The following IKBKB variants were observed in gnomAD, a reference collection of about 807,000 sequenced individuals.
The protein encoded by IKBKB is inhibitor of nuclear factor kappa B kinase subunit beta.
In IKBKB, 42 loss-of-function variants were observed where a neutral mutation model predicts 113.6. The ratio of observed to expected loss-of-function variants is 0.37; its 90% CI spans 0.29 to 0.48. The LOEUF is 0.48. Ranked by LOEUF, IKBKB falls within the 20% of genes least tolerant of loss-of-function variation. The pLI, the probability that IKBKB is intolerant of heterozygous loss-of-function variation, is 0.99. For synonymous variants in IKBKB, 296 were observed against 361.3 expected (o/e 0.82, Z 2.05); for missense variants, 673 against 939.7 (o/e 0.72, Z 3.71).
At chr8:42,313,043 G>C (rs1818020221) in intron 8 of IKBKB, among the ~76,000 whole-genome samples, 1 of 152,128 alleles carries the variant, frequency 6.6e-6, no homozygotes, top group Non-Finnish European at 1.5e-5. Context: ...TGCCACATGG[G>C]CCTGTCACGG....
rs777275618 is a variant in IKBKB, at chr8:42,314,396, C to T, written c.767C>T (p.Ser256Leu). 6.2e-7 allele frequency: 1 copy of T among 1,612,484 alleles called. No individual in the cohort carries two copies. Among genetic ancestry groups the T allele is most frequent in the Admixed American group, 1.7e-5 (1 of 60,016 alleles). ...GACTTGAATGGAACGGTGAAGTTTTCAAGCTCTTTACCCTACCCCAATAAT... is the reference window on the plus strand; with the variant it reads ...GACTTGAATGGAACGGTGAAGTTTTTAAGCTCTTTACCCTACCCCAATAAT... Reference protein sequence around the residue: ...SEDLNGTVKFSSSLPYPNNLN... With the variant: ...SEDLNGTVKFLSSLPYPNNLN... Residue 256 changes from serine (S) to leucine (L), a missense_variant, in exon 9 of 22, where the codon TCA (serine) becomes TTA (leucine). Coordinates refer to ENST00000520810, the MANE Select transcript of IKBKB (RefSeq NM_001556.3).
rs1819605609 is a variant in IKBKB, at chr8:42,320,722, G to C, written c.1579-13G>C. On this transcript the variant is annotated splice_polypyrimidine_tract_variant and intron_variant, in intron 15 of 21. Transcript: ENST00000520810. ...TACCACATCAGTTGACATTAGCACA[G>C]CTTTTCCATTAGGAGAACGAAGTGA... 1 of 1,606,886 alleles carries C rather than the reference G, an allele frequency of 6.2e-7. No homozygotes were observed.
At chr8:42,288,531 T>C (rs1811898865) in intron 2 of IKBKB, 103 bp from the exon 3 acceptor site, 1 of 758,564 alleles carries the variant, frequency 1.3e-6, no homozygotes, top group Admixed American at 2.3e-5. Context: ...CAGGAGGTGA[T>C]TGCAGGTAAC....
Position 42,316,674 on chromosome 8 carries a change from A to T in IKBKB, c.931-36A>T. The T allele has an allele frequency of 6.3e-7, 1 of 1,580,588 alleles. No homozygotes were observed. The highest frequency in any genetic ancestry group is 8.6e-7 in the Non-Finnish European group (1 of 1,159,062). ...AAATAGATGGGCATTTCCTTGAAGA[A>T]ATCGGTTTTCCAGTAACATCTGGGT... On this transcript the variant is annotated intron_variant, in intron 10 of 21. Transcript: ENST00000520810. The surrounding 1 kb of genome is among the most constrained non-coding windows in gnomAD (Gnocchi z 4.5).
intron 12 of IKBKB, 75 bp from the exon 13 acceptor site, chr8:42,318,477 G>A (rs950808804): frequency 2.7e-5 from 42 of 1,537,714 alleles, no homozygotes; most frequent in African/African-American, 6.9e-5. Context: ...CAGTAGTGTC[G>A]AAGGCAGGAT....
Position 42,305,204 on chromosome 8 carries a change from C to G in IKBKB, c.406C>G (p.Leu136Val), listed in dbSNP as rs1816265590. 6.2e-7 allele frequency: 1 copy of G among 1,613,886 alleles called. No individual in the cohort carries two copies. Among genetic ancestry groups the G allele is most frequent in the Non-Finnish European group, 8.5e-7 (1 of 1,179,768 alleles). ...LSDIASALRY[L>V]HENRIIHRDL... is the part of the protein sequence containing the mutation. ...TTCCTCAGCCTCTGCGCTTAGATAC[C>G]TTCATGAAAACAGAATCATCCATCG... Residue 136 changes from leucine to valine, a missense_variant, in exon 6 of 22, where the codon CTT (leucine) becomes GTT (valine). Leu to Val is a conservative substitution (Grantham distance 32, BLOSUM62 1). This residue lies in a region of IKBKB where 167 missense variants were observed against 301.0 expected (regional missense o/e 0.55). Coordinates refer to ENST00000520810, the MANE Select transcript of IKBKB (RefSeq NM_001556.3).
rs556370011 is a variant in IKBKB, at chr8:42,299,926, CTG to C, written c.389-5258_389-5257del. On this transcript the variant is annotated intron_variant, in intron 5 of 21. Transcript: ENST00000520810. ...GCCATTACTGCTCTGTGATTTCTGTCTGTGCCTTGGCAGTGAGGGCTGACTTC... is the reference window on the plus strand; with the variant it reads ...GCCATTACTGCTCTGTGATTTCTGTCTGCCTTGGCAGTGAGGGCTGACTTC... Among the ~76,000 whole-genome samples, 22 of 152,314 alleles carry C rather than the reference CTG, an allele frequency of 1.4e-4. 1 individual carries two copies. The South Asian group carries it at 4.6e-3, about 32-fold the overall frequency.
chr8:42,278,781 G>C (rs1809720647), intron 2 of IKBKB, among the ~76,000 whole-genome samples: 1 of 152,144 alleles, frequency 6.6e-6, no homozygotes, highest in Non-Finnish European at 1.5e-5. Context: ...GATCACCTGA[G>C]GTTGGGAGTT....
rs1808421860 is a variant in IKBKB, at chr8:42,274,159, TA to T, written c.105+1955del. ...GATTCTCCTGCCTCAGCCTCCTGAGTACCTGGAATTACAGGTGTGCACCACC... is the reference window on the plus strand; with the variant it reads ...GATTCTCCTGCCTCAGCCTCCTGAGTCCTGGAATTACAGGTGTGCACCACC... On this transcript the variant is annotated intron_variant, in intron 2 of 21. Coordinates refer to ENST00000520810, the MANE Select transcript of IKBKB (RefSeq NM_001556.3). 2.0e-5 allele frequency among the ~76,000 whole-genome samples: 3 copies of T among 151,972 alleles called. No individual in the cohort carries two copies. In the South Asian group the frequency reaches 6.2e-4, roughly 32 times the overall value.
chr8:42,318,278 A>T (rs1819069993), intron 12 of IKBKB, among the ~76,000 whole-genome samples: 1 of 151,876 alleles, frequency 6.6e-6, no homozygotes, highest in South Asian at 2.1e-4. Context: ...AAAAAAAAAA[A>T]TTCTGTTGAA....
chr8:42,325,843 T>C (rs1820638400), intron 19 of IKBKB, 127 bp from the exon 20 acceptor site: 3 of 1,501,422 alleles, frequency 2.0e-6, no homozygotes, highest in Non-Finnish European at 2.7e-6. Flanking sequence ...GGGTGCCAAC[T>C]GGTAGGCTGT....
At chr8:42,278,925 T>G (rs1809753504) in intron 2 of IKBKB, among the ~76,000 whole-genome samples, 1 of 150,524 alleles carries the variant, frequency 6.6e-6, no homozygotes, top group African/African-American at 2.5e-5. Flanking sequence ...ACCCAGGAGG[T>G]GGAGGTTGCA....
intron 2 of IKBKB, among the ~76,000 whole-genome samples, chr8:42,284,080 G>A (rs956181925): frequency 2.6e-5 from 4 of 152,154 alleles, no homozygotes; most frequent in Non-Finnish European, 5.9e-5. Flanking sequence ...TGTCTCAGTC[G>A]GCTCAGTGCT....
rs758902277 is a variant in IKBKB at position 42,309,039 on chromosome 8, G to C, written c.692+14G>C. The C allele has an allele frequency of 6.2e-7, 1 of 1,611,646 alleles. No individual in the cohort carries two copies. Among genetic ancestry groups the C allele is most frequent in the Non-Finnish European group, 8.5e-7 (1 of 1,178,714 alleles). On this transcript the variant is annotated intron_variant, in intron 8 of 21. Coordinates refer to ENST00000520810, the MANE Select transcript of IKBKB (RefSeq NM_001556.3). ...GCCCGTGCAGTGGTGAGTGGGCCCGGGGCACCTGGATGGAGGAGGGAGCCT... is the reference window on the plus strand; with the variant it reads ...GCCCGTGCAGTGGTGAGTGGGCCCGCGGCACCTGGATGGAGGAGGGAGCCT...
At chr8:42,320,712 C>T (rs1389580197) in intron 15 of IKBKB, 23 bp from the exon 16 acceptor site, 3 of 1,588,004 alleles carry the variant, frequency 1.9e-6, no homozygotes, top group Admixed American at 1.7e-5. Flanking sequence ...CATCAGTTGA[C>T]ATTAGCACAG....
chr8:42,317,708 A>T lies in IKBKB; in HGVS notation c.1177A>T (p.Ser393Cys), dbSNP rs766964161. 6.2e-7 allele frequency: 1 copy of T among 1,614,154 alleles called. No homozygotes were observed. Among genetic ancestry groups the T allele is most frequent in the Admixed American group, 1.7e-5 (1 of 60,032 alleles). The change falls in exon 12 of 22, where the codon AGT becomes TGT. Residue 393 changes from serine (S) to cysteine (C), a missense_variant. Ser to Cys is a moderately radical substitution (Grantham distance 112). Coordinates refer to ENST00000520810, the MANE Select transcript of IKBKB (RefSeq NM_001556.3). ...DMDLVFLFDN[S>C]KITYETQISP... is the part of the protein sequence containing the mutation. ...GGATCTTGTTTTTCTCTTTGACAAC[A>T]GTAAAATCACCTATGAGACTCAGAT...
rs1821395264 is a variant in IKBKB, at chr8:42,329,424, G to C, written c.2205+210G>C. On this transcript the variant is annotated intron_variant, in intron 21 of 21. Coordinates refer to ENST00000520810, the MANE Select transcript of IKBKB (RefSeq NM_001556.3). ...TGCAACCTCCGCTTCCCGGGTTCAA[G>C]TGATTCTCATGCCTCAGCCTCCTGA... 16 of 940,428 alleles carry C rather than the reference G, an allele frequency of 1.7e-5. No individual in the cohort carries two copies. In the South Asian group the frequency reaches 4.8e-4, roughly 28 times the overall value. 58.3% of individuals were successfully genotyped at this position (940,428 alleles called of 1,614,324 possible).
intron 4 of IKBKB, 82 bp from the exon 5 acceptor site, chr8:42,293,361 A>C: frequency 6.4e-7 from 1 of 1,571,892 alleles, no homozygotes; most frequent in Non-Finnish European, 8.7e-7. Context: ...CACTCTGGTC[A>C]CATGGGCTGG....
chr8:42,303,671 A>T (rs1815902059), intron 5 of IKBKB, among the ~76,000 whole-genome samples: 2 of 151,700 alleles, frequency 1.3e-5, no homozygotes, highest in African/African-American at 4.8e-5. Flanking sequence ...CACCCAGCTA[A>T]TTTTTTTGTA....
Sources: gnomAD v4.1 joint callset for allele counts (sites outside exome capture counted in the v4.1 genomes callset) on GRCh38, gnomAD v4.1.1 for gene constraint, gnomAD v4.1.1 regional missense constraint, Gnocchi (gnomAD v3.1) non-coding constraint, MANE v1.5 for transcripts, NCBI Gene and HGNC (gene_info 2026-07-23, HGNC 2026-07-21) for gene names.